Variants in MTMR6 observed in about 807,000 individuals in gnomAD.
The protein encoded by MTMR6 is myotubularin related protein 6.
A neutral mutation model predicts 80.1 loss-of-function variants in MTMR6; 47 were observed. That is an observed-to-expected ratio of 0.59 (90% CI 0.46 to 0.75). MTMR6 has a LOEUF of 0.75. MTMR6 is among the 30% of genes least tolerant of loss of function. MTMR6 has a pLI of 0.00. For missense variants in MTMR6, 629 were observed against 730.9 expected, an observed-to-expected ratio of 0.86 and a Z score of 1.61; for synonymous variants, 254 against 253.0, an observed-to-expected ratio of 1.00 and a Z score of -0.04.
intron 13 of MTMR6, among the ~76,000 whole-genome samples, chr13:25,250,432 G>T (rs547667736): frequency 2.6e-5 from 4 of 152,144 alleles, no homozygotes; most frequent in African/African-American, 7.2e-5. Context: ...AACTAACAAA[G>T]AATTAGTGCC....
At chr13:25,260,016 C>A (rs995103812) in intron 6 of MTMR6, among the ~76,000 whole-genome samples, 2 of 151,838 alleles carry the variant, frequency 1.3e-5, no homozygotes, top group African/African-American at 2.4e-5. Context: ...CGCCTGCCAT[C>A]GCACCCAGCT....
At chr13:25,283,844 T>C (rs1957907341) in intron 1 of MTMR6, among the ~76,000 whole-genome samples, 1 of 152,192 alleles carries the variant, frequency 6.6e-6, no homozygotes, top group South Asian at 2.1e-4. Context: ...TTTCTCATTG[T>C]TTCTTGGCAG....
Position 25,254,396 on chromosome 13 carries a change from T to C in MTMR6, c.1134A>G (p.Lys378=), listed in dbSNP as rs1957150200. 2 of 1,576,400 alleles carry C rather than the reference T, an allele frequency of 1.3e-6. No homozygotes were observed. The highest frequency in any genetic ancestry group is 1.7e-6 in the Non-Finnish European group (2 of 1,149,406). The change falls in exon 10 of 14, where the codon AAA becomes AAG. Residue 378 remains lysine, a synonymous_variant. Transcript: ENST00000381801. ...TAACTGTGACTCACCTCTCTGAAAA[T>C]TTATGTCCAAAAGAGATCCAATCCT... ...IEKDWISFGH[K]FSERCGQLDG...
chr13:25,266,883 T>A (rs1347242104), intron 3 of MTMR6, among the ~76,000 whole-genome samples: 4 of 152,184 alleles, frequency 2.6e-5, no homozygotes, highest in Admixed American at 2.0e-4. Flanking sequence ...TCCAGATTGC[T>A]CAACCAAAAT....
intron 1 of MTMR6, 67 bp downstream of exon 1, chr13:25,287,157 C>T (rs1957969436): frequency 2.6e-6 from 4 of 1,549,356 alleles, no homozygotes; most frequent in Non-Finnish European, 2.6e-6. Flanking sequence ...GCAGAGCCTT[C>T]GTCTCCTCCT....
intron 1 of MTMR6, among the ~76,000 whole-genome samples, chr13:25,281,090 C>T (rs1180787341): frequency 6.6e-6 from 1 of 152,184 alleles, no homozygotes; most frequent in African/African-American, 2.4e-5. Context: ...CTTTGGGAGG[C>T]CAAGGCAGGA....
At chr13:25,261,337 T>C (rs984511994) in intron 6 of MTMR6, among the ~76,000 whole-genome samples, 3 of 75,470 alleles carry the variant, frequency 4.0e-5, no homozygotes, top group East Asian at 3.9e-4. Flanking sequence ...AAAAAAAGAA[T>C]AGTAACAATT....
chr13:25,262,959 C>CCATTTAAT (rs1957372831), intron 5 of MTMR6, among the ~76,000 whole-genome samples: 3 of 152,032 alleles, frequency 2.0e-5, no homozygotes, highest in African/African-American at 7.3e-5. Flanking sequence ...AACCATTTAA[C>CCATTTAAT]CTCTCTGTGA....
chr13:25,271,883 T>C (rs1164702731), intron 2 of MTMR6, among the ~76,000 whole-genome samples: 1 of 152,184 alleles, frequency 6.6e-6, no homozygotes, highest in South Asian at 2.1e-4. Flanking sequence ...AAAATAGCCA[T>C]GGCAATTTTG....
chr13:25,268,621 G>A (rs776829766), intron 2 of MTMR6, among the ~76,000 whole-genome samples: 22 of 152,180 alleles, frequency 1.4e-4, no homozygotes, highest in Non-Finnish European at 1.5e-5. Flanking sequence ...AAGTAAGTTA[G>A]GCCCCCTCCC....
chr13:25,249,522 C>A, intron 13 of MTMR6, 30 bp from the exon 14 acceptor site: 2 of 1,600,352 alleles, frequency 1.2e-6, no homozygotes, highest in South Asian at 1.1e-5. Flanking sequence ...GAAAAAATTA[C>A]TAATTGCATA....
intron 9 of MTMR6, among the ~76,000 whole-genome samples, chr13:25,256,652 G>A (rs1237221782): frequency 6.6e-6 from 1 of 152,074 alleles, no homozygotes; most frequent in Non-Finnish European, 1.5e-5. Flanking sequence ...AAGGAACTAG[G>A]TCTTTATCTT....
In MTMR6 at chr13:25,266,294, A is replaced by T; in HGVS notation, c.305-8T>A. On this transcript the variant is annotated splice_region_variant and splice_polypyrimidine_tract_variant and intron_variant, in intron 3 of 13. Coordinates refer to ENST00000381801, the MANE Select transcript of MTMR6 (RefSeq NM_004685.5). ...AGAGATCTTCATATTTTGCTACAGAATACAAAATTTTAAATGTTAAGTGCA... is the reference window on the plus strand; with the variant it reads ...AGAGATCTTCATATTTTGCTACAGATTACAAAATTTTAAATGTTAAGTGCA... 2 of 1,600,862 alleles carry T rather than the reference A, an allele frequency of 1.2e-6. No individual in the cohort carries two copies. Among genetic ancestry groups the T allele is most frequent in the Non-Finnish European group, 1.7e-6 (2 of 1,169,258 alleles).
Position 25,260,772 on chromosome 13 carries a change from G to A in MTMR6, c.726+896C>T, listed in dbSNP as rs1040296688. The A allele has an allele frequency of 1.1e-5, 6 of 535,682 alleles. No individual in the cohort carries two copies. In the African/African-American group the frequency reaches 1.2e-4, roughly 11 times the overall value. The allele number at this position is 535,682 out of a possible 1,614,324, so 33.2% of individuals were successfully genotyped here. ...TTTCAGGATCCTATATGAACTGGTT[G>A]TTTAACTATGTTAATAAAAAGAAGA... On this transcript the variant is annotated intron_variant, in intron 6 of 13. Transcript: ENST00000381801.
At chr13:25,274,047 T>C (rs1461777624) in intron 2 of MTMR6, 24 bp downstream of exon 2, 1 of 1,316,964 alleles carries the variant, frequency 7.6e-7, no homozygotes, top group Non-Finnish European at 1.1e-6. Flanking sequence ...TTATGATAAA[T>C]AGTACAGCTG....
intron 1 of MTMR6, among the ~76,000 whole-genome samples, chr13:25,284,146 TG>T (rs1957912637): frequency 6.6e-6 from 1 of 152,100 alleles, no homozygotes; most frequent in Non-Finnish European, 1.5e-5. Flanking sequence ...AAAAGAGGTT[TG>T]GGGGGGAAGC....
rs1440081230 is a variant in MTMR6, at chr13:25,248,292, T to C, written c.*940A>G. ...TGAGCAATAAGGCAGTTTAAAAATATACATATACATGTACTATTCATTGTT... is the reference window on the plus strand; with the variant it reads ...TGAGCAATAAGGCAGTTTAAAAATACACATATACATGTACTATTCATTGTT... On this transcript the variant is annotated 3_prime_UTR_variant, in exon 14 of 14. Coordinates refer to ENST00000381801, the MANE Select transcript of MTMR6 (RefSeq NM_004685.5). The C allele has an allele frequency of 2.0e-5, 3 of 152,126 alleles. No individual in the cohort carries two copies. Among genetic ancestry groups the C allele is most frequent in the East Asian group, 1.9e-4 (1 of 5,204 alleles). The allele number at this position is 152,126 out of a possible 1,614,324, so 9.4% of individuals were successfully genotyped here.
chr13:25,255,859 C>T (rs1210975827), intron 9 of MTMR6, among the ~76,000 whole-genome samples: 1 of 152,128 alleles, frequency 6.6e-6, no homozygotes, highest in African/African-American at 2.4e-5. Flanking sequence ...GAACCCATCA[C>T]CTCCCCCTTC....
intron 1 of MTMR6, among the ~76,000 whole-genome samples, chr13:25,281,177 T>C (rs367914341): frequency 2.0e-5 from 3 of 151,878 alleles, no homozygotes; most frequent in African/African-American, 7.3e-5. Context: ...AAAAAGAAAA[T>C]TATTTTCTAA....
Sources: allele counts gnomAD v4.1 joint callset (sites outside exome capture counted in the v4.1 genomes callset), GRCh38; gene constraint gnomAD v4.1.1; transcripts MANE v1.5; gene names NCBI Gene and HGNC (gene_info 2026-07-23, HGNC 2026-07-21).